Variants in ASB3 observed in about 807,000 individuals in gnomAD.
The protein encoded by ASB3 is ankyrin repeat and SOCS box containing 3.
ASB3 carries 41 observed loss-of-function variants against 54.5 expected under a neutral mutation model. The observed-to-expected ratio is 0.75, with a 90% CI of 0.59 to 0.98. The LOEUF (loss-of-function observed/expected upper bound fraction) is 0.98. Among genes scored for constraint, ASB3 ranks in the 50% least tolerant of loss-of-function variants. The probability of loss-of-function intolerance (pLI) is 0.00; values close to 1 mark genes in which losing one functional copy is unlikely to be tolerated. For missense variants in ASB3, 733 were observed against 620.0 expected (o/e 1.18, Z -1.94); for synonymous variants, 266 against 221.2 (o/e 1.20, Z -1.80).
rs772637804 is a variant in ASB3, at chr2:53,750,768, A to C, written c.355+15T>G. Reference sequence around the variant, plus strand: ...TGATGAAAAATTGCATCTGCACCACAAATAGCATACTTACCTAAAAACAAT... The same window carrying C: ...TGATGAAAAATTGCATCTGCACCACCAATAGCATACTTACCTAAAAACAAT... On this transcript the variant is annotated intron_variant, in intron 3 of 9. Transcript: ENST00000263634. The C allele has an allele frequency of 1.0e-5, 15 of 1,506,550 alleles. No homozygotes were observed. Among genetic ancestry groups the C allele is most frequent in the Non-Finnish European group, 1.3e-5 (15 of 1,127,552 alleles). The allele number at this position is 1,506,550 out of a possible 1,614,324, so 93.3% of individuals were successfully genotyped here.
intron 7 of ASB3, among the ~76,000 whole-genome samples, chr2:53,707,006 C>T (rs1407253316): frequency 6.6e-6 from 1 of 152,144 alleles, no homozygotes; most frequent in African/African-American, 2.4e-5. Flanking sequence ...GCTGTTTACC[C>T]TGCCCAGCTC....
At chr2:53,738,775 A>C (rs1487225814) in intron 3 of ASB3, among the ~76,000 whole-genome samples, 1 of 152,222 alleles carries the variant, frequency 6.6e-6, no homozygotes, top group Non-Finnish European at 1.5e-5. Flanking sequence ...CCTAGAAAGA[A>C]AAAGAAAGCA....
intron 8 of ASB3, among the ~76,000 whole-genome samples, chr2:53,695,457 A>C (rs1405333417): frequency 6.6e-6 from 1 of 152,152 alleles, no homozygotes; most frequent in Non-Finnish European, 1.5e-5. Context: ...TAGGGGTCCC[A>C]AACCAAAGGT....
At chr2:53,718,214 C>T (rs1670504635) in intron 5 of ASB3, among the ~76,000 whole-genome samples, 1 of 152,028 alleles carries the variant, frequency 6.6e-6, no homozygotes. Flanking sequence ...TGAATATCAC[C>T]ATGGCATACA....
At chr2:53,731,025 A>T (rs549719350) in intron 3 of ASB3, among the ~76,000 whole-genome samples, 6 of 152,194 alleles carry the variant, frequency 3.9e-5, no homozygotes, top group Non-Finnish European at 5.9e-5. Context: ...GACAAGTAAC[A>T]TGCCATTGAT....
intron 1 of ASB3, among the ~76,000 whole-genome samples, chr2:53,769,694 A>T (rs886067148): frequency 6.6e-6 from 1 of 152,214 alleles, no homozygotes; most frequent in African/African-American, 2.4e-5. Flanking sequence ...TAAAAATACA[A>T]AATTAGCTGG....
rs115068554 is a variant in ASB3 at position 53,750,968 on chromosome 2, T to C, written c.197-27A>G. On this transcript the variant is annotated intron_variant, in intron 2 of 9. Coordinates refer to ENST00000263634, the MANE Select transcript of ASB3 (RefSeq NM_016115.5). Reference sequence around the variant, plus strand: ...TGTGGAAGAATCAAAGCCCATCAACTAGAAGGTATTACTTCTATTTCCTGG... The same window carrying C: ...TGTGGAAGAATCAAAGCCCATCAACCAGAAGGTATTACTTCTATTTCCTGG... The C allele has an allele frequency of 1.0e-3, 1,544 of 1,472,890 alleles. 15 individuals carry two copies. The African/African-American group carries it at 0.02, about 19-fold the overall frequency. The allele number at this position is 1,472,890 out of a possible 1,614,324, so 91.2% of individuals were successfully genotyped here. A position where few individuals can be genotyped will look rare whatever the true frequency, so the allele number is the denominator to read the frequency against.
chr2:53,684,236 C>T (rs1048453583), intron 9 of ASB3, among the ~76,000 whole-genome samples: 3 of 152,204 alleles, frequency 2.0e-5, no homozygotes, highest in African/African-American at 7.2e-5. Flanking sequence ...AGACTTCTGC[C>T]AGTGGTCCAC....
chr2:53,714,955 G>A (rs1558534264), intron 6 of ASB3, among the ~76,000 whole-genome samples: 1 of 152,044 alleles, frequency 6.6e-6, no homozygotes, highest in Non-Finnish European at 1.5e-5. Flanking sequence ...ATTCTACTAA[G>A]TATAAACTGG....
intron 1 of ASB3, among the ~76,000 whole-genome samples, chr2:53,781,201 A>G (rs935989767): frequency 6.6e-6 from 1 of 152,092 alleles, no homozygotes; most frequent in Non-Finnish European, 1.5e-5. Flanking sequence ...TGAGCCCAGG[A>G]GTTCAAGACC....
At position 53,670,404 on chromosome 2, in the gene ASB3, C is replaced by G. The variant is rs1214959747; in HGVS notation, c.*99G>C. The G allele has an allele frequency of 7.8e-7, 1 of 1,275,920 alleles. No individual in the cohort carries two copies. Among genetic ancestry groups the G allele is most frequent in the Non-Finnish European group, 1.0e-6 (1 of 967,668 alleles). The allele number at this position is 1,275,920 out of a possible 1,614,324, so 79.0% of individuals were successfully genotyped here. On this transcript the variant is annotated 3_prime_UTR_variant, in exon 10 of 10. Transcript: ENST00000263634. The stretch of plus-strand genomic sequence containing the variant: ...AACCTATCTCACAATCAATAATCAT[C>G]TTTTGACTATAAAATCATAAAAACT...
In ASB3 at chr2:53,750,818, G is replaced by C; in HGVS notation, c.320C>G (p.Ala107Gly). ...ILLEAGADPN[A>G]TTLEETTPLF... ...TGGTGTCGTTTCTTCTAAAGTAGTT[G>C]CATTAGGATCTGCCCCAGCTTCTAA... The change falls in exon 3 of 10, where the codon GCA becomes GGA. Residue 107 changes from alanine to glycine, a missense_variant. Coordinates refer to ENST00000263634, the MANE Select transcript of ASB3 (RefSeq NM_016115.5). The C allele has an allele frequency of 1.3e-6, 2 of 1,592,952 alleles. No individual in the cohort carries two copies. Among genetic ancestry groups the C allele is most frequent in the Non-Finnish European group, 1.7e-6 (2 of 1,170,648 alleles).
chr2:53,671,927 G>A (rs7573412), intron 9 of ASB3, among the ~76,000 whole-genome samples: 4,196 of 152,240 alleles, frequency 0.028, 193 homozygotes, highest in African/African-American at 0.096. Flanking sequence ...GAACAGACCA[G>A]GATCAGAGCA....
At chr2:53,767,913 G>C (rs1673596766) in intron 1 of ASB3, 1 of 1,613,484 alleles carries the variant, frequency 6.2e-7, no homozygotes, top group Middle Eastern at 1.6e-4. Context: ...ACGGGTCCCT[G>C]ATCTGGAAGG....
At chr2:53,711,330 T>A (rs1670083770) in intron 7 of ASB3, among the ~76,000 whole-genome samples, 1 of 152,164 alleles carries the variant, frequency 6.6e-6, no homozygotes, top group Admixed American at 6.5e-5. Context: ...GGCTTTCTAT[T>A]GTGTCTATGT....
At position 53,769,022 on chromosome 2, in the gene ASB3, G is replaced by C. The variant is rs140488520; in HGVS notation, c.-13-3437C>G. Among the ~76,000 whole-genome samples the C allele has an allele frequency of 1.7e-4, 26 of 152,362 alleles. No homozygotes were observed. In the East Asian group the frequency reaches 3.5e-3, roughly 20 times the overall value. On this transcript the variant is annotated intron_variant, in intron 1 of 9. Transcript: ENST00000263634. Reference sequence around the variant, plus strand: ...ATTCTATCTCAACTAGAGTTGGTCAGTTAAGAACTTGGCTTTTAAGTAGAC... The same window carrying C: ...ATTCTATCTCAACTAGAGTTGGTCACTTAAGAACTTGGCTTTTAAGTAGAC...
intron 1 of ASB3, among the ~76,000 whole-genome samples, chr2:53,772,239 ATC>A (rs574326594): frequency 1.0e-3 from 153 of 152,268 alleles, no homozygotes; most frequent in Admixed American, 4.1e-3. Flanking sequence ...CAGTGGCGCG[ATC>A]TCGGCTCACT....
intron 9 of ASB3, among the ~76,000 whole-genome samples, chr2:53,675,258 T>A (rs1668025694): frequency 6.6e-6 from 1 of 152,188 alleles, no homozygotes; most frequent in Non-Finnish European, 1.5e-5. Flanking sequence ...ACTAAATTAG[T>A]AAAGTCTCTG....
At chr2:53,747,500 T>A (rs1672289889) in intron 3 of ASB3, among the ~76,000 whole-genome samples, 1 of 152,188 alleles carries the variant, frequency 6.6e-6, no homozygotes, top group Non-Finnish European at 1.5e-5. Flanking sequence ...GAGCCGAGAT[T>A]GTGCCATTGC....
Sources: allele counts gnomAD v4.1 joint callset (sites outside exome capture counted in the v4.1 genomes callset), GRCh38; gene constraint gnomAD v4.1.1; transcripts MANE v1.5; gene names NCBI Gene and HGNC (gene_info 2026-07-23, HGNC 2026-07-21).